XPR1: variants seen among roughly 807,000 people sequenced by gnomAD.
XPR1 encodes the protein solute carrier family 53 member 1.
A neutral mutation model predicts 87.5 loss-of-function variants in XPR1; 28 were observed. The ratio of observed to expected loss-of-function variants is 0.32; its 90% CI spans 0.24 to 0.44. XPR1 has a LOEUF of 0.44. Among genes scored for constraint, XPR1 ranks in the 20% least tolerant of loss-of-function variants. The pLI is 1.00. For synonymous variants in XPR1, 300 were observed against 306.1 expected (o/e 0.98, Z 0.21); for missense variants, 559 against 862.3 (o/e 0.65, Z 4.41).
At chr1:180,758,112 G>GAT (rs1461189229) in intron 2 of XPR1, among the ~76,000 whole-genome samples, 1 of 65,082 alleles carries the variant, frequency 1.5e-5, no homozygotes, top group Non-Finnish European at 3.8e-5. Context: ...CATATAGAAG[G>GAT]ATACACACAC....
At chr1:180,766,071 T>C (rs960268795) in intron 2 of XPR1, among the ~76,000 whole-genome samples, 7 of 152,182 alleles carry the variant, frequency 4.6e-5, no homozygotes, top group Admixed American at 1.3e-4. Flanking sequence ...ACTTAACTTT[T>C]CTTTTCCTGG....
intron 2 of XPR1, among the ~76,000 whole-genome samples, chr1:180,713,026 A>G (rs902951159): frequency 4.1e-5 from 6 of 145,138 alleles, no homozygotes; most frequent in East Asian, 4.0e-4. Flanking sequence ...ATCCGTTTCT[A>G]TAAAAAAAAG....
rs115025448 is a variant in XPR1, at chr1:180,771,865, C to G, written c.122-15888C>G. Among the ~76,000 whole-genome samples the G allele has an allele frequency of 4.6e-3, 696 of 152,204 alleles. 12 individuals are homozygous for G. The highest frequency in any genetic ancestry group is 0.016 in the African/African-American group (673 of 41,536). ...CTTGATTACTTGTTTAAAGTGGTGT[C>G]TGCCAAGTTTCTCCATGGTAAAGTT... On this transcript the variant is annotated intron_variant, in intron 2 of 14. Coordinates refer to ENST00000367590, the MANE Select transcript of XPR1 (RefSeq NM_004736.4).
intron 1 of XPR1, among the ~76,000 whole-genome samples, chr1:180,669,367 G>C (rs1656078772): frequency 6.6e-6 from 1 of 151,844 alleles, no homozygotes; most frequent in Non-Finnish European, 1.5e-5. Context: ...TATAAATTTT[G>C]TTTTGTTTTG....
At chr1:180,793,433 T>C (rs1571843751) in intron 3 of XPR1, among the ~76,000 whole-genome samples, 1 of 152,270 alleles carries the variant, frequency 6.6e-6, no homozygotes, top group South Asian at 2.1e-4. Context: ...AAATGATACA[T>C]GTGTCTAGTA....
rs1658690890 is a variant in XPR1 at position 180,735,240 on chromosome 1, A to G, written c.122-52513A>G. Among the ~76,000 whole-genome samples, 3 of 152,366 alleles carry G rather than the reference A, an allele frequency of 2.0e-5. No homozygotes were observed. The South Asian group carries it at 6.2e-4, about 32-fold the overall frequency. On this transcript the variant is annotated intron_variant, in intron 2 of 14. Coordinates refer to ENST00000367590, the MANE Select transcript of XPR1 (RefSeq NM_004736.4). ...TAAATGGTTTTAAACAGATTTGAGT[A>G]TTCCATTATGGCTCTTGCTAGATGT... is the stretch of plus-strand genomic sequence containing the variant.
At chr1:180,807,236 T>G (rs1284134392) in intron 6 of XPR1, among the ~76,000 whole-genome samples, 2 of 152,224 alleles carry the variant, frequency 1.3e-5, no homozygotes, top group African/African-American at 2.4e-5. Context: ...GAAAAAGAAA[T>G]AAAAGACATT....
intron 14 of XPR1, among the ~76,000 whole-genome samples, chr1:180,882,234 T>C (rs1343146822): frequency 2.6e-5 from 4 of 152,136 alleles, no homozygotes; most frequent in African/African-American, 9.7e-5. Context: ...AGTAAGACAT[T>C]AGGAATGGAA....
At chr1:180,714,574 C>T (rs1027936493) in intron 2 of XPR1, among the ~76,000 whole-genome samples, 12 of 151,782 alleles carry the variant, frequency 7.9e-5, no homozygotes, top group Non-Finnish European at 1.6e-4. Context: ...CCAGCTAAGT[C>T]TTCCATTTTT....
intron 7 of XPR1, among the ~76,000 whole-genome samples, chr1:180,813,863 C>T (rs1650310887): frequency 6.6e-6 from 1 of 152,016 alleles, no homozygotes; most frequent in Non-Finnish European, 1.5e-5. Flanking sequence ...CTTTTAATGG[C>T]AAAACTGCAA....
intron 3 of XPR1, among the ~76,000 whole-genome samples, chr1:180,801,866 T>G (rs1038715594): frequency 6.6e-6 from 1 of 151,694 alleles, no homozygotes; most frequent in African/African-American, 2.4e-5. Context: ...CTGCAGCCTC[T>G]GCTCACTGCA....
chr1:180,833,516 C>T (rs1651153239), intron 9 of XPR1, among the ~76,000 whole-genome samples: 1 of 149,314 alleles, frequency 6.7e-6, no homozygotes, highest in Non-Finnish European at 1.5e-5. Context: ...AAAAAAAACA[C>T]AAAAAAAACA....
At chr1:180,812,876 C>T (rs1007310299) in intron 7 of XPR1, among the ~76,000 whole-genome samples, 7 of 152,026 alleles carry the variant, frequency 4.6e-5, no homozygotes, top group African/African-American at 1.7e-4. Context: ...TCTTGAACTC[C>T]TGACCTCGTG....
intron 2 of XPR1, among the ~76,000 whole-genome samples, chr1:180,763,028 G>T (rs1264289703): frequency 1.3e-5 from 2 of 152,176 alleles, no homozygotes; most frequent in Non-Finnish European, 2.9e-5. Context: ...TGGACTGTAT[G>T]ACAACCGGAA....
At chr1:180,826,544 A>G (rs1012509540) in intron 9 of XPR1, among the ~76,000 whole-genome samples, 15 of 152,288 alleles carry the variant, frequency 9.8e-5, no homozygotes, top group Non-Finnish European at 1.6e-4. Flanking sequence ...CTGAGACCCT[A>G]TCTCTAAAGG....
chr1:180,852,016 T>C (rs955983387), intron 11 of XPR1, among the ~76,000 whole-genome samples: 2 of 151,430 alleles, frequency 1.3e-5, no homozygotes, highest in African/African-American at 4.9e-5. Context: ...CATACATAGA[T>C]GAACAAAACA....
intron 2 of XPR1, among the ~76,000 whole-genome samples, chr1:180,695,078 A>G (rs894420422): frequency 2.0e-5 from 3 of 152,092 alleles, no homozygotes; most frequent in Non-Finnish European, 4.4e-5. Flanking sequence ...CTTTTTGATA[A>G]TAGTTATTCT....
intron 12 of XPR1, among the ~76,000 whole-genome samples, chr1:180,872,712 T>A (rs1258672266): frequency 6.9e-6 from 1 of 144,582 alleles, no homozygotes; most frequent in Non-Finnish European, 1.5e-5. Context: ...CTGCGCCCAC[T>A]GTCTGGCACT....
At chr1:180,693,898 C>CT (rs1553237313) in intron 2 of XPR1, among the ~76,000 whole-genome samples, 1 of 152,078 alleles carries the variant, frequency 6.6e-6, no homozygotes, top group Non-Finnish European at 1.5e-5. Context: ...ATATAGATAT[C>CT]TTTTTTTGGT....
Sources: allele counts gnomAD v4.1 joint callset (sites outside exome capture counted in the v4.1 genomes callset), GRCh38; gene constraint gnomAD v4.1.1; transcripts MANE v1.5; gene names NCBI Gene and HGNC (gene_info 2026-07-23, HGNC 2026-07-21).